TTC28: variants seen among roughly 807,000 people sequenced by gnomAD.
The protein encoded by TTC28 is tetratricopeptide repeat protein 28.
In TTC28, 61 loss-of-function variants were observed where a neutral mutation model predicts 198.0. The observed-to-expected ratio is 0.31, with a 90% CI of 0.25 to 0.38. The LOEUF (loss-of-function observed/expected upper bound fraction) is 0.38. TTC28 is among the 10% of genes least tolerant of loss of function. The probability of loss-of-function intolerance (pLI) is 1.00; values close to 1 mark genes in which losing one functional copy is unlikely to be tolerated. For missense variants in TTC28, 2,678 were observed against 3,164.0 expected, an observed-to-expected ratio of 0.85 and a Z score of 3.69; for synonymous variants, 1,171 against 1,297.8, an observed-to-expected ratio of 0.90 and a Z score of 2.10.
chr22:28,314,998 G>A (rs1379875230), intron 2 of TTC28, among the ~76,000 whole-genome samples: 1 of 152,164 alleles, frequency 6.6e-6, no homozygotes, highest in Non-Finnish European at 1.5e-5. Flanking sequence ...AGGAATATTT[G>A]CTGCTTTTCT....
Position 28,660,913 on chromosome 22 carries a change from A to T in TTC28, c.102+18709T>A, listed in dbSNP as rs988085994. On this transcript the variant is annotated intron_variant, in intron 1 of 22. Coordinates refer to ENST00000397906, the MANE Select transcript of TTC28 (RefSeq NM_001145418.2). ...CCTCATGATCTGAGAAAAGGAAAAA[A>T]AAAATTTTAAATATATAATTCCCTT... Among the ~76,000 whole-genome samples, 55 of 152,206 alleles carry T rather than the reference A, an allele frequency of 3.6e-4. 1 individual carries two copies. Among genetic ancestry groups the T allele is most frequent in the Admixed American group, 3.1e-3 (48 of 15,274 alleles).
At chr22:28,308,235 G>C (rs16986288) in intron 2 of TTC28, among the ~76,000 whole-genome samples, 2,901 of 152,210 alleles carry the variant, frequency 0.019, 33 homozygotes, top group Admixed American at 0.022. Flanking sequence ...TGTTTACAAA[G>C]ATTTTTCATT....
intron 5 of TTC28, among the ~76,000 whole-genome samples, chr22:28,281,189 CATT>C (rs1170789594): frequency 3.9e-5 from 6 of 152,074 alleles, no homozygotes; most frequent in Admixed American, 2.6e-4. Context: ...TCTTTTGCAT[CATT>C]ATCTCTGTTT....
intron 2 of TTC28, among the ~76,000 whole-genome samples, chr22:28,470,113 G>C (rs1233731893): frequency 6.6e-6 from 1 of 152,126 alleles, no homozygotes; most frequent in Non-Finnish European, 1.5e-5. Context: ...TCAAAGCACT[G>C]GGATTACAGG....
At chr22:28,634,214 A>C (rs1376133827) in intron 1 of TTC28, among the ~76,000 whole-genome samples, 1 of 152,204 alleles carries the variant, frequency 6.6e-6, no homozygotes, top group Non-Finnish European at 1.5e-5. Context: ...TAGAAAGCTA[A>C]GAAACAGAAA....
At chr22:28,384,760 GT>G (rs1470398172) in intron 2 of TTC28, among the ~76,000 whole-genome samples, 1 of 152,020 alleles carries the variant, frequency 6.6e-6, no homozygotes, top group African/African-American at 2.4e-5. Flanking sequence ...CTTATCATCC[GT>G]CTTCTGCAAC....
intron 1 of TTC28, among the ~76,000 whole-genome samples, chr22:28,655,646 G>A (rs1327435590): frequency 6.6e-6 from 1 of 152,076 alleles, no homozygotes; most frequent in African/African-American, 2.4e-5. Flanking sequence ...GGCGGATCAC[G>A]AGGTCAGGAG....
chr22:28,383,047 C>T (rs1352718300), intron 2 of TTC28, among the ~76,000 whole-genome samples: 1 of 152,198 alleles, frequency 6.6e-6, no homozygotes, highest in African/African-American at 2.4e-5. Flanking sequence ...CTTTTGACCT[C>T]AATGGCTTCA....
At position 28,141,374 on chromosome 22, in the gene TTC28, A is replaced by G. The variant is rs146859902; in HGVS notation, c.1441+21718T>C. Among the ~76,000 whole-genome samples the G allele has an allele frequency of 9.7e-3, 1,472 of 152,146 alleles. 36 individuals are homozygous for G. The highest frequency in any genetic ancestry group is 0.076 in the East Asian group (392 of 5,180). On this transcript the variant is annotated intron_variant, in intron 6 of 22. Transcript: ENST00000397906. ...GTTAAGCAGGGATTTTAAATTATTC[A>G]CTGCTTTATCTCTAATGCCTAGAAT...
intron 5 of TTC28, among the ~76,000 whole-genome samples, chr22:28,203,306 A>T (rs1926128943): frequency 6.6e-6 from 1 of 152,172 alleles, no homozygotes; most frequent in South Asian, 2.1e-4. Flanking sequence ...GAGAAGTAGA[A>T]GATAGTACCT....
At chr22:28,380,158 A>AAAGAAG (rs1601716035) in intron 2 of TTC28, among the ~76,000 whole-genome samples, 1 of 151,938 alleles carries the variant, frequency 6.6e-6, no homozygotes, top group Non-Finnish European at 1.5e-5. Context: ...AAAGCTCAAA[A>AAAGAAG]AAGAAGAAGA....
rs373473922 is a variant in TTC28 at position 28,628,936 on chromosome 22, AAAAGG to A, written c.381+611_381+615del. Among the ~76,000 whole-genome samples, 322 of 152,182 alleles carry A rather than the reference AAAAGG, an allele frequency of 2.1e-3. 1 individual carries two copies. Among genetic ancestry groups the A allele is most frequent in the African/African-American group, 7.3e-3 (301 of 41,510 alleles). The stretch of plus-strand genomic sequence containing the variant: ...AAGAAAAAAGGAAAAAGGAAAAAAG[AAAAGG>A]AAAGGAAAGGAAAAGAAAAGAAAGG... On this transcript the variant is annotated intron_variant, in intron 2 of 22. Transcript: ENST00000397906.
rs1399757245 is a variant in TTC28 at position 28,174,986 on chromosome 22, G to A, written c.934-11387C>T. On this transcript the variant is annotated intron_variant, in intron 5 of 22. Coordinates refer to ENST00000397906, the MANE Select transcript of TTC28 (RefSeq NM_001145418.2). ...ATGTACCTATAGCCAACTGATTTTTGACAAAGTTGCATGCATTGGAAAATA... is the reference window on the plus strand; with the variant it reads ...ATGTACCTATAGCCAACTGATTTTTAACAAAGTTGCATGCATTGGAAAATA... Among the ~76,000 whole-genome samples, 3 of 149,332 alleles carry A rather than the reference G, an allele frequency of 2.0e-5. No homozygotes were observed. The East Asian group carries it at 5.9e-4, about 29-fold the overall frequency.
chr22:28,505,434 GA>G (rs2048598228), intron 2 of TTC28, among the ~76,000 whole-genome samples: 1 of 152,072 alleles, frequency 6.6e-6, no homozygotes, highest in Non-Finnish European at 1.5e-5. Flanking sequence ...ACAACAACTT[GA>G]TCCAAGGAGG....
intron 1 of TTC28, among the ~76,000 whole-genome samples, chr22:28,670,563 A>G (rs1435204876): frequency 6.6e-6 from 1 of 152,078 alleles, no homozygotes; most frequent in Non-Finnish European, 1.5e-5. Flanking sequence ...ACTCCACTGG[A>G]AAAAAATATT....
intron 2 of TTC28, among the ~76,000 whole-genome samples, chr22:28,445,607 G>A (rs920397084): frequency 3.3e-5 from 5 of 152,002 alleles, no homozygotes; most frequent in Non-Finnish European, 7.4e-5. Flanking sequence ...CTCAGCACCT[G>A]CCATACTGCC....
chr22:28,232,569 A>G (rs138274993), intron 5 of TTC28, among the ~76,000 whole-genome samples: 96 of 152,330 alleles, frequency 6.3e-4, no homozygotes, highest in Non-Finnish European at 9.8e-4. Flanking sequence ...TTGTTTTGCA[A>G]ATGTCTGTTT....
At chr22:28,574,215 T>C (rs1465317000) in intron 2 of TTC28, among the ~76,000 whole-genome samples, 2 of 152,176 alleles carry the variant, frequency 1.3e-5, no homozygotes, top group Non-Finnish European at 2.9e-5. Flanking sequence ...TTTCACTATG[T>C]TGCCCAGGCT....
At chr22:28,418,959 C>T (rs192646961) in intron 2 of TTC28, among the ~76,000 whole-genome samples, 172 of 152,252 alleles carry the variant, frequency 1.1e-3, no homozygotes, top group Admixed American at 3.7e-3. Context: ...AGCTTAAAAT[C>T]AGAATCTGGA....
Sources: gnomAD v4.1 joint callset for allele counts (sites outside exome capture counted in the v4.1 genomes callset) on GRCh38, gnomAD v4.1.1 for gene constraint, MANE v1.5 for transcripts, NCBI Gene and HGNC (gene_info 2026-07-23, HGNC 2026-07-21) for gene names.